SIRT4: variants seen among roughly 807,000 people sequenced by gnomAD.
The protein encoded by SIRT4 is sirtuin 4, also known as NAD-dependent protein lipoamidase sirtuin-4, mitochondrial.
Under a neutral mutation model 26.1 loss-of-function variants are expected in SIRT4, and 23 were observed. The ratio of observed to expected loss-of-function variants is 0.88; its 90% CI spans 0.63 to 1.25. SIRT4 has a LOEUF of 1.25. SIRT4 is among the 50% of genes most tolerant of loss of function. SIRT4 has a pLI of 0.00. For synonymous variants in SIRT4, 155 were observed against 158.4 expected, an observed-to-expected ratio of 0.98 and a Z score of 0.16; for missense variants, 361 against 405.4, an observed-to-expected ratio of 0.89 and a Z score of 0.94.
the SIRT4 span, chr12:120,293,046 C>A: frequency 6.7e-6 from 1 of 149,598 alleles, no homozygotes; most frequent in Non-Finnish European, 1.5e-5. Context: ...AAACCAAGCA[C>A]CCCCACACAC....
chr12:120,292,372 G>C, the SIRT4 span, among the ~76,000 whole-genome samples: 1 of 152,222 alleles, frequency 6.6e-6, no homozygotes, highest in Non-Finnish European at 1.5e-5. Context: ...GGAGGCCGAG[G>C]CGGGTGGATC....
the SIRT4 span, among the ~76,000 whole-genome samples, chr12:120,295,979 A>AG: frequency 9.1e-4 from 122 of 134,284 alleles, no homozygotes; most frequent in African/African-American, 3.4e-3. Context: ...CCCAGCTACT[A>AG]GGGGGGCTGA....
the SIRT4 span, among the ~76,000 whole-genome samples, chr12:120,295,711 G>A: frequency 1.3e-5 from 2 of 151,816 alleles, no homozygotes; most frequent in African/African-American, 4.8e-5. Flanking sequence ...AAAATTTGAA[G>A]CAACTTTCAC....
At chr12:120,298,592 C>T (rs561767584), upstream of SIRT4, among the ~76,000 whole-genome samples, 4 of 151,708 alleles carry the variant, frequency 2.6e-5, no homozygotes, top group East Asian at 7.8e-4. Flanking sequence ...ACCATGTCCC[C>T]AAAATAAAAA....
the SIRT4 span, among the ~76,000 whole-genome samples, chr12:120,292,852 A>T: frequency 6.6e-6 from 1 of 152,208 alleles, no homozygotes; most frequent in African/African-American, 2.4e-5. Context: ...CCAACTGGCA[A>T]GAAAAGTCAA....
At chr12:120,294,587 C>T in the SIRT4 span, among the ~76,000 whole-genome samples, 1 of 151,282 alleles carries the variant, frequency 6.6e-6, no homozygotes, top group South Asian at 2.1e-4. Context: ...CAGCTTTTGG[C>T]TCTGTCGCCC....
chr12:120,311,107 C>T (rs756908936), intron 2 of SIRT4, among the ~76,000 whole-genome samples: 3 of 149,272 alleles, frequency 2.0e-5, no homozygotes, highest in Non-Finnish European at 3.0e-5. Flanking sequence ...GCCTGTAATC[C>T]CAGCATTTTG....
intron 2 of SIRT4, 52 bp downstream of exon 2, chr12:120,304,110 A>G (rs1473300766): frequency 6.3e-7 from 1 of 1,577,362 alleles, no homozygotes; most frequent in Admixed American, 1.7e-5. Flanking sequence ...GTTTTGGGAG[A>G]GTAGGGACCT....
At chr12:120,302,060 T>TA (rs397966830), upstream of SIRT4, among the ~76,000 whole-genome samples, 755 of 131,394 alleles carry the variant, frequency 5.7e-3, 5 homozygotes, top group East Asian at 0.017. Context: ...AACTCCGTCT[T>TA]AAAAAAAAAA....
chr12:120,303,648 T>C lies in SIRT4; in HGVS notation c.87T>C (p.Ile29=), dbSNP rs1872627385. ...NPSQPCSKAS[I]GLFVPASPPL... is the part of the protein sequence containing the mutation. Reference sequence around the variant, plus strand: ...GCCAGCCGTGCTCGAAAGCCTCCATTGGGTTATTTGTGCCAGCAAGTCCTC... The same window carrying C: ...GCCAGCCGTGCTCGAAAGCCTCCATCGGGTTATTTGTGCCAGCAAGTCCTC... Residue 29 remains isoleucine (I), a synonymous_variant, in exon 2 of 4, where the codon ATT becomes ATC. Transcript: ENST00000202967. The C allele has an allele frequency of 1.2e-6, 2 of 1,614,024 alleles. No homozygotes were observed. Among genetic ancestry groups the C allele is most frequent in the South Asian group, 1.1e-5 (1 of 91,086 alleles).
chr12:120,310,379 A>C (rs1872913288), intron 2 of SIRT4, among the ~76,000 whole-genome samples: 1 of 151,998 alleles, frequency 6.6e-6, no homozygotes, highest in Admixed American at 6.6e-5. Context: ...AAACAAAGAC[A>C]AGCCAAAAAA....
chr12:120,295,639 C>T, the SIRT4 span, among the ~76,000 whole-genome samples: 1 of 151,502 alleles, frequency 6.6e-6, no homozygotes, highest in Non-Finnish European at 1.5e-5. Flanking sequence ...GGTTTGGACA[C>T]CTTAATTCAA....
intron 2 of SIRT4, among the ~76,000 whole-genome samples, chr12:120,307,822 C>T (rs1169986493): frequency 1.3e-5 from 2 of 152,128 alleles, no homozygotes; most frequent in Non-Finnish European, 2.9e-5. Context: ...CGCACCATTG[C>T]ACTCCAGCCT....
chr12:120,297,117 G>T, the SIRT4 span, among the ~76,000 whole-genome samples: 2 of 151,858 alleles, frequency 1.3e-5, no homozygotes, highest in Non-Finnish European at 2.9e-5. Flanking sequence ...CAGCTACTTG[G>T]GAGGCTGACA....
chr12:120,300,119 G>A (rs76607124), upstream of SIRT4, among the ~76,000 whole-genome samples: 9,709 of 151,812 alleles, frequency 0.064, 425 homozygotes, highest in Admixed American at 0.14. Flanking sequence ...ACCGTGTCTC[G>A]ACAAAAATAA....
At chr12:120,296,611 G>A in the SIRT4 span, among the ~76,000 whole-genome samples, 1 of 144,190 alleles carries the variant, frequency 6.9e-6, no homozygotes, top group African/African-American at 2.6e-5. Context: ...GGGCTCAAGC[G>A]ATCTTCCCAC....
intron 2 of SIRT4, among the ~76,000 whole-genome samples, chr12:120,309,496 C>T (rs1872874887): frequency 6.6e-6 from 1 of 150,426 alleles, no homozygotes; most frequent in Non-Finnish European, 1.5e-5. Context: ...ACTGCAACCT[C>T]CACCTCCCGG....
chr12:120,299,079 A>G (rs2136822103), upstream of SIRT4, among the ~76,000 whole-genome samples: 1 of 147,284 alleles, frequency 6.8e-6, no homozygotes, highest in South Asian at 2.2e-4. Flanking sequence ...AAAATACAAA[A>G]AATTAGCCGG....
At chr12:120,307,731 G>T (rs1371885464) in intron 2 of SIRT4, among the ~76,000 whole-genome samples, 1 of 151,946 alleles carries the variant, frequency 6.6e-6, no homozygotes, top group African/African-American at 2.4e-5. Context: ...GGTGGTGCAT[G>T]CCTATAATCC....
Sources: gnomAD v4.1 joint callset for allele counts (sites outside exome capture counted in the v4.1 genomes callset) on GRCh38, gnomAD v4.1.1 for gene constraint, MANE v1.5 for transcripts, NCBI Gene and HGNC (gene_info 2026-07-23, HGNC 2026-07-21) for gene names.